Variants in EYS observed in about 807,000 individuals in gnomAD.
The protein encoded by EYS is protein eyes shut homolog.
A neutral mutation model predicts 282.1 loss-of-function variants in EYS; 250 were observed. The observed-to-expected ratio is 0.89, with a 90% CI of 0.80 to 0.98. The LOEUF (loss-of-function observed/expected upper bound fraction) is 0.98. Among genes scored for constraint, EYS ranks in the 50% least tolerant of loss-of-function variants. The pLI is 0.00. For synonymous variants in EYS, 1,355 were observed against 1,282.9 expected (o/e 1.06, Z -1.20); for missense variants, 4,016 against 3,709.0 (o/e 1.08, Z -2.15).
At chr6:64,428,093 T>C (rs1469993674) in intron 28 of EYS, among the ~76,000 whole-genome samples, 1 of 152,150 alleles carries the variant, frequency 6.6e-6, no homozygotes, top group African/African-American at 2.4e-5. Flanking sequence ...TGGATCATAA[T>C]ACAAGTTAAT....
intron 22 of EYS, among the ~76,000 whole-genome samples, chr6:64,771,764 C>A (rs1170661879): frequency 1.3e-5 from 2 of 151,700 alleles, no homozygotes; most frequent in African/African-American, 4.8e-5. Flanking sequence ...TTATCTTGTG[C>A]TTTCATACAT....
At chr6:64,206,539 C>T (rs12174860) in intron 31 of EYS, among the ~76,000 whole-genome samples, 55,434 of 151,846 alleles carry the variant, frequency 0.37, 10,181 homozygotes, top group East Asian at 0.54. Context: ...TATTTGCAAC[C>T]TGAGAATTGA....
chr6:64,894,597 A>C (rs965339041), intron 18 of EYS, among the ~76,000 whole-genome samples: 2 of 152,138 alleles, frequency 1.3e-5, no homozygotes, highest in African/African-American at 4.8e-5. Context: ...TCACAGACTC[A>C]GTCACTCGAA....
At chr6:65,576,004 GCAAA>G (rs113494523) in intron 2 of EYS, among the ~76,000 whole-genome samples, 6 of 152,058 alleles carry the variant, frequency 3.9e-5, no homozygotes, top group African/African-American at 1.4e-4. Context: ...CTGAATTCTA[GCAAA>G]CAATTAACAC....
intron 29 of EYS, among the ~76,000 whole-genome samples, chr6:64,387,444 TA>T (rs2150423967): frequency 6.6e-6 from 1 of 152,246 alleles, no homozygotes; most frequent in African/African-American, 2.4e-5. Context: ...AGTTTTATAT[TA>T]AAATTTATAT....
At chr6:63,941,154 G>A (rs1199277306) in intron 35 of EYS, among the ~76,000 whole-genome samples, 1 of 152,118 alleles carries the variant, frequency 6.6e-6, no homozygotes, top group East Asian at 1.9e-4. Flanking sequence ...ACGTGCACAT[G>A]TGTCTTTATA....
chr6:63,748,452 T>C (rs1481873177), intron 41 of EYS, among the ~76,000 whole-genome samples: 3 of 152,186 alleles, frequency 2.0e-5, no homozygotes, highest in Non-Finnish European at 4.4e-5. Flanking sequence ...AGTTTTCTTT[T>C]TTGTTGTATC....
At chr6:65,003,442 C>G (rs577674066) in intron 13 of EYS, among the ~76,000 whole-genome samples, 2 of 147,862 alleles carry the variant, frequency 1.4e-5, no homozygotes, top group African/African-American at 4.8e-5. Flanking sequence ...ACTTCATTAG[C>G]AATTTTAATT....
chr6:64,274,486 T>A (rs1032024318), intron 30 of EYS, among the ~76,000 whole-genome samples: 18 of 145,952 alleles, frequency 1.2e-4, no homozygotes, highest in Middle Eastern at 3.2e-3. Context: ...TGGCCGTTTT[T>A]TTTTTTTTTT....
intron 2 of EYS, among the ~76,000 whole-genome samples, chr6:65,574,917 T>A (rs1040414046): frequency 2.0e-5 from 3 of 152,146 alleles, no homozygotes; most frequent in Non-Finnish European, 4.4e-5. Flanking sequence ...ATATTAAATA[T>A]ATTTTTGACC....
chr6:64,608,934 T>A (rs75383516), intron 24 of EYS, among the ~76,000 whole-genome samples: 1,604 of 152,202 alleles, frequency 0.011, 27 homozygotes, highest in African/African-American at 0.036. Flanking sequence ...TCACAGAGGA[T>A]TTTTAGGGCA....
At chr6:64,609,771 C>T (rs2149843654) in intron 24 of EYS, among the ~76,000 whole-genome samples, 1 of 152,022 alleles carries the variant, frequency 6.6e-6, no homozygotes, top group African/African-American at 2.4e-5. Flanking sequence ...TCTGTACTTC[C>T]AGCTACTTGG....
At chr6:65,279,174 G>T (rs983464920) in intron 12 of EYS, among the ~76,000 whole-genome samples, 4 of 151,804 alleles carry the variant, frequency 2.6e-5, no homozygotes, top group African/African-American at 9.7e-5. Context: ...GGGCGACAGA[G>T]TGAGGCTCTG....
At chr6:65,588,218 C>G (rs1479922626) in intron 2 of EYS, among the ~76,000 whole-genome samples, 1 of 152,024 alleles carries the variant, frequency 6.6e-6, no homozygotes, top group Admixed American at 6.6e-5. Context: ...TATTGTGTTT[C>G]TTTTCCTCTG....
intron 35 of EYS, among the ~76,000 whole-genome samples, chr6:63,959,832 G>A (rs528102976): frequency 9.2e-5 from 14 of 151,992 alleles, no homozygotes; most frequent in Non-Finnish European, 2.1e-4. Flanking sequence ...TGGACACAGA[G>A]GAACAACACA....
In EYS at chr6:65,382,457, CTGTG is replaced by C. The variant is rs55949006; in HGVS notation, c.1299+1925_1299+1928del. On this transcript the variant is annotated intron_variant, in intron 8 of 42. Coordinates refer to ENST00000503581, the MANE Select transcript of EYS (RefSeq NM_001142800.2). ...ATCTATCTTTGAAGTCTCCTTTCCT[CTGTG>C]TGTGTGTGTGTGTGTGTGTGTGTGT... 8.4e-3 allele frequency among the ~76,000 whole-genome samples: 942 copies of C among 111,980 alleles called. 5 individuals are homozygous for C. Among genetic ancestry groups the C allele is most frequent in the Middle Eastern group, 0.028 (6 of 218 alleles). The allele number at this position is 111,980 out of a possible 152,430, so 73.5% of individuals were successfully genotyped here.
intron 13 of EYS, among the ~76,000 whole-genome samples, chr6:65,007,612 C>T (rs1458065601): frequency 6.6e-6 from 1 of 152,068 alleles, no homozygotes; most frequent in Non-Finnish European, 1.5e-5. Context: ...CTCAGTCTAC[C>T]TCCCTACCCC....
At chr6:65,549,330 AG>A (rs11313072) in intron 2 of EYS, among the ~76,000 whole-genome samples, 50,983 of 151,908 alleles carry the variant, frequency 0.34, 8,608 homozygotes, top group East Asian at 0.43. Context: ...CTGGAGATGC[AG>A]TATGTTTCCT....
chr6:63,768,334 G>C (rs1769847269), intron 40 of EYS, among the ~76,000 whole-genome samples: 2 of 151,564 alleles, frequency 1.3e-5, no homozygotes, highest in African/African-American at 4.8e-5. Context: ...CAACAAAAAA[G>C]GTCTAATGTC....
Sources: gnomAD v4.1 joint callset for allele counts (sites outside exome capture counted in the v4.1 genomes callset) on GRCh38, gnomAD v4.1.1 for gene constraint, MANE v1.5 for transcripts, NCBI Gene and HGNC (gene_info 2026-07-23, HGNC 2026-07-21) for gene names.